SLC35D4: variants seen among roughly 807,000 people sequenced by gnomAD.
SLC35D4 encodes solute carrier family 35 member D4.
chr18:23,299,270 C>T, the SLC35D4 span, among the ~76,000 whole-genome samples: 2 of 152,172 alleles, frequency 1.3e-5, no homozygotes, highest in South Asian at 2.1e-4. Flanking sequence ...AGCAACCCAC[C>T]CCTGTGTTTA....
chr18:23,359,873 AC>A, the SLC35D4 span, among the ~76,000 whole-genome samples: 1 of 152,198 alleles, frequency 6.6e-6, no homozygotes, highest in African/African-American at 2.4e-5. Flanking sequence ...AATTTCCTCT[AC>A]TATACTTAAA....
chr18:23,305,547 A>G, the SLC35D4 span, among the ~76,000 whole-genome samples: 2 of 152,262 alleles, frequency 1.3e-5, no homozygotes, highest in Non-Finnish European at 1.5e-5. Context: ...TTATAAAAGT[A>G]AATGAGATAA....
chr18:23,263,954 G>A, the SLC35D4 span, among the ~76,000 whole-genome samples: 1 of 152,228 alleles, frequency 6.6e-6, no homozygotes, highest in African/African-American at 2.4e-5. Context: ...GTAGACCAAA[G>A]GGTTCAGCAG....
At chr18:23,423,333 C>T in the SLC35D4 span, among the ~76,000 whole-genome samples, 4 of 152,232 alleles carry the variant, frequency 2.6e-5, no homozygotes, top group Non-Finnish European at 5.9e-5. Flanking sequence ...AAATGTGGGT[C>T]CTGCCTTCAA....
chr18:23,362,131 A>G, the SLC35D4 span, among the ~76,000 whole-genome samples: 2 of 152,240 alleles, frequency 1.3e-5, no homozygotes. Context: ...CTAAAAGTTT[A>G]GCAATAACTC....
the SLC35D4 span, among the ~76,000 whole-genome samples, chr18:23,275,480 C>T: frequency 6.6e-6 from 1 of 152,206 alleles, no homozygotes; most frequent in Non-Finnish European, 1.5e-5. Flanking sequence ...GCTTCCCCAT[C>T]ACCTGACCGG....
chr18:23,366,743 T>G, the SLC35D4 span, among the ~76,000 whole-genome samples: 1 of 152,300 alleles, frequency 6.6e-6, no homozygotes, highest in African/African-American at 2.4e-5. Flanking sequence ...GTGTTTCTCA[T>G]GTTCTTCCTT....
At chr18:23,292,917 C>T in the SLC35D4 span, among the ~76,000 whole-genome samples, 1 of 152,238 alleles carries the variant, frequency 6.6e-6, no homozygotes, top group East Asian at 1.9e-4. Context: ...TTGCCACTTC[C>T]CTGGGCCCAG....
chr18:23,399,421 T>C, the SLC35D4 span: 5 of 704,604 alleles, frequency 7.1e-6, no homozygotes, highest in Non-Finnish European at 1.1e-5. Context: ...TCTGATTATC[T>C]TCAACTCAAC....
At chr18:23,377,545 TG>T in the SLC35D4 span, 1 of 1,106,210 alleles carries the variant, frequency 9.0e-7, no homozygotes, top group Non-Finnish European at 1.3e-6. Flanking sequence ...TAAATTCTTC[TG>T]CCACCTCTTA....
the SLC35D4 span, among the ~76,000 whole-genome samples, chr18:23,348,486 CTTG>C: frequency 6.6e-6 from 1 of 152,174 alleles, no homozygotes; most frequent in Non-Finnish European, 1.5e-5. Context: ...TTTTCTATTA[CTTG>C]TTGTTTCACA....
chr18:23,264,587 T>C, the SLC35D4 span, among the ~76,000 whole-genome samples: 1 of 152,114 alleles, frequency 6.6e-6, no homozygotes, highest in African/African-American at 2.4e-5. Context: ...GGTCTCGAAC[T>C]CTTGACCTCG....
chr18:23,404,370 A>C, the SLC35D4 span, among the ~76,000 whole-genome samples: 1 of 152,156 alleles, frequency 6.6e-6, no homozygotes, highest in African/African-American at 2.4e-5. Context: ...GAATGGGATT[A>C]GTGTCCTTAT....
the SLC35D4 span, among the ~76,000 whole-genome samples, chr18:23,351,476 C>A: frequency 6.6e-6 from 1 of 152,138 alleles, no homozygotes; most frequent in Middle Eastern, 3.4e-3. Context: ...CATTAAAAAT[C>A]TTATTTTCAA....
chr18:23,245,503 CAAAAAAAAA>C, the SLC35D4 span, among the ~76,000 whole-genome samples: 1 of 94,570 alleles, frequency 1.1e-5, no homozygotes, highest in Non-Finnish European at 2.2e-5. Context: ...CATCCTGTCT[CAAAAAAAAA>C]AAAAAAAAGC....
the SLC35D4 span, among the ~76,000 whole-genome samples, chr18:23,241,767 G>T: frequency 6.6e-6 from 1 of 152,128 alleles, no homozygotes; most frequent in African/African-American, 2.4e-5. Context: ...GTGCGTGTGT[G>T]TCCTAAGTGT....
At chr18:23,437,754 C>T in the SLC35D4 span, 5 of 1,604,350 alleles carry the variant, frequency 3.1e-6, no homozygotes, top group African/African-American at 4.0e-5. Flanking sequence ...CACGTGCAAT[C>T]GCTGCCTCCC....
At chr18:23,322,169 A>G in the SLC35D4 span, among the ~76,000 whole-genome samples, 2 of 152,236 alleles carry the variant, frequency 1.3e-5, no homozygotes, top group African/African-American at 4.8e-5. Context: ...GACTCCACAC[A>G]GTCTCTTCTC....
chr18:23,419,796 T>C, the SLC35D4 span, among the ~76,000 whole-genome samples: 1 of 152,164 alleles, frequency 6.6e-6, no homozygotes, highest in Non-Finnish European at 1.5e-5. Flanking sequence ...ATAATTTTAC[T>C]GCAGTCCTCT....
Sources: gnomAD v4.1 joint callset for allele counts (sites outside exome capture counted in the v4.1 genomes callset) on GRCh38, gnomAD v4.1.1 for gene constraint, MANE v1.5 for transcripts, NCBI Gene and HGNC (gene_info 2026-07-23, HGNC 2026-07-21) for gene names.